ANKS6: variants seen among roughly 807,000 people sequenced by gnomAD.
The protein encoded by ANKS6 is ankyrin repeat and sterile alpha motif domain containing 6.
In ANKS6, 47 loss-of-function variants were observed where a neutral mutation model predicts 77.9. The observed-to-expected ratio is 0.60, with a 90% CI of 0.48 to 0.77. The LOEUF (loss-of-function observed/expected upper bound fraction) is 0.77, where lower values mean the gene tolerates loss of function less well. Among genes scored for constraint, ANKS6 ranks in the 30% least tolerant of loss-of-function variants. The pLI, the probability that ANKS6 is intolerant of heterozygous loss-of-function variation, is 0.00. For missense variants in ANKS6, 1,150 were observed against 1,159.1 expected (o/e 0.99, Z 0.11); for synonymous variants, 488 against 501.7 (o/e 0.97, Z 0.37).
Position 98,773,932 on chromosome 9 carries a change from G to T in ANKS6, c.1766C>A (p.Ala589Glu), listed in dbSNP as rs368165175. ...HNGKADPMKT[A>E]LPQRASRGHP... is the part of the protein sequence containing the mutation. ...GCCCCTGCTGGCTCTCTGGGGCAGC[G>T]CAGTCTTCATGGGGTCTGCCTTCCC... is the stretch of plus-strand genomic sequence containing the variant. The change falls in exon 9 of 15, where the codon GCG becomes GAG. Residue 589 changes from alanine to glutamate, a missense_variant. Physicochemically the swap from Ala to Glu is moderately radical, Grantham distance 107. Coordinates refer to ENST00000353234, the MANE Select transcript of ANKS6 (RefSeq NM_173551.5). 1 of 1,597,408 alleles carries T rather than the reference G, an allele frequency of 6.3e-7. No individual in the cohort carries two copies. Among genetic ancestry groups the T allele is most frequent in the East Asian group, 2.3e-5 (1 of 43,764 alleles).
At chr9:98,740,544 GC>G (rs1831769728) in intron 14 of ANKS6, among the ~76,000 whole-genome samples, 1 of 152,218 alleles carries the variant, frequency 6.6e-6, no homozygotes, top group Admixed American at 6.5e-5. Flanking sequence ...ACTGCAGAGG[GC>G]TAAAATGTAA....
chr9:98,792,033 T>C (rs958755756), intron 1 of ANKS6, among the ~76,000 whole-genome samples: 1 of 152,124 alleles, frequency 6.6e-6, no homozygotes, highest in Non-Finnish European at 1.5e-5. Context: ...CCATCCTCCA[T>C]GCGACTCCCA....
Position 98,734,629 on chromosome 9 carries a change from A to G in ANKS6, c.*1890T>C, listed in dbSNP as rs1489870865. The stretch of plus-strand genomic sequence containing the variant: ...GCCCACCAGGTCCGGTTCTGACCCC[A>G]GATCTGCTCCTTCTGGGCTGTTTAA... On this transcript the variant is annotated 3_prime_UTR_variant, in exon 15 of 15. Coordinates refer to ENST00000353234, the MANE Select transcript of ANKS6 (RefSeq NM_173551.5). 3 of 966,638 alleles carry G rather than the reference A, an allele frequency of 3.1e-6. No individual in the cohort carries two copies. The highest frequency in any genetic ancestry group is 3.5e-5 in the African/African-American group (2 of 56,826). The allele number at this position is 966,638 out of a possible 1,614,324, so 59.9% of individuals were successfully genotyped here. A position where few individuals can be genotyped will look rare whatever the true frequency, so the allele number is the denominator to read the frequency against.
intron 12 of ANKS6, among the ~76,000 whole-genome samples, chr9:98,754,999 C>T (rs1238636773): frequency 6.6e-5 from 10 of 152,048 alleles, no homozygotes; most frequent in Non-Finnish European, 1.0e-4. Flanking sequence ...GGAGAATTCA[C>T]GAGTGTGGAA....
At chr9:98,784,809 A>G (rs1191236593) in intron 3 of ANKS6, 23 bp downstream of exon 3, 1 of 1,608,070 alleles carries the variant, frequency 6.2e-7, no homozygotes, top group East Asian at 2.2e-5. Context: ...TAAATATCCA[A>G]AAAGATTTTC....
At chr9:98,794,578 G>A (rs1294714131) in intron 1 of ANKS6, among the ~76,000 whole-genome samples, 1 of 152,190 alleles carries the variant, frequency 6.6e-6, no homozygotes, top group Non-Finnish European at 1.5e-5. Context: ...CACACCAACT[G>A]AGGAACAGCA....
At chr9:98,785,565 T>C (rs940693356) in intron 2 of ANKS6, among the ~76,000 whole-genome samples, 1 of 152,092 alleles carries the variant, frequency 6.6e-6, no homozygotes, top group Non-Finnish European at 1.5e-5. Flanking sequence ...AGCCCCTCCC[T>C]CACATGCTCA....
rs1206697708 is a variant in ANKS6, at chr9:98,733,789, A to G, written c.*2730T>C. Reference sequence around the variant, plus strand: ...GCTCGCTTTAGTGTCTGCCAAACCTACTCAACCAGGGAACCTCACCCCACT... The same window carrying G: ...GCTCGCTTTAGTGTCTGCCAAACCTGCTCAACCAGGGAACCTCACCCCACT... On this transcript the variant is annotated 3_prime_UTR_variant, in exon 15 of 15. Coordinates refer to ENST00000353234, the MANE Select transcript of ANKS6 (RefSeq NM_173551.5). 1.0e-6 allele frequency: 1 copy of G among 985,168 alleles called. No individual in the cohort carries two copies. Among genetic ancestry groups the G allele is most frequent in the Admixed American group, 6.2e-5 (1 of 16,248 alleles). The allele number at this position is 985,168 out of a possible 1,614,324, so 61.0% of individuals were successfully genotyped here. A position where few individuals can be genotyped will look rare whatever the true frequency, so the allele number is the denominator to read the frequency against.
intron 14 of ANKS6, among the ~76,000 whole-genome samples, chr9:98,738,037 G>A (rs984697336): frequency 1.6e-4 from 24 of 152,134 alleles, no homozygotes; most frequent in African/African-American, 5.3e-4. Context: ...GCCACATGTA[G>A]GAGAATGAAA....
At position 98,733,491 on chromosome 9, in the gene ANKS6, C is replaced by G; in HGVS notation, c.*3028G>C. ...GGTCCCCTGATGTCCCACTGCCAAGCAGGCCACCTCTGCAGAGCTGCTGGG... is the reference window on the plus strand; with the variant it reads ...GGTCCCCTGATGTCCCACTGCCAAGGAGGCCACCTCTGCAGAGCTGCTGGG... On this transcript the variant is annotated 3_prime_UTR_variant, in exon 15 of 15. Transcript: ENST00000353234. 1.0e-6 allele frequency: 1 copy of G among 985,514 alleles called. No individual in the cohort carries two copies. Among genetic ancestry groups the G allele is most frequent in the Non-Finnish European group, 1.2e-6 (1 of 829,996 alleles). 61.0% of individuals were successfully genotyped at this position (985,514 alleles called of 1,614,324 possible). A position where few individuals can be genotyped will look rare whatever the true frequency, so the allele number is the denominator to read the frequency against.
intron 13 of ANKS6, among the ~76,000 whole-genome samples, chr9:98,748,678 G>T (rs1832272980): frequency 6.6e-6 from 1 of 152,198 alleles, no homozygotes; most frequent in South Asian, 2.1e-4. Flanking sequence ...ATACACTAGT[G>T]GGGGTGGAGC....
Position 98,736,288 on chromosome 9 carries a change from A to T in ANKS6, c.*231T>A. ...CATCACTGTGTGAACCAACCTGCCA[A>T]GCAGAAGCACCCCCACTGGACTGTT... On this transcript the variant is annotated 3_prime_UTR_variant, in exon 15 of 15. Coordinates refer to ENST00000353234, the MANE Select transcript of ANKS6 (RefSeq NM_173551.5). 1 of 1,356,616 alleles carries T rather than the reference A, an allele frequency of 7.4e-7. No individual in the cohort carries two copies. The highest frequency in any genetic ancestry group is 9.4e-7 in the Non-Finnish European group (1 of 1,058,672). 84.0% of individuals were successfully genotyped at this position (1,356,616 alleles called of 1,614,324 possible).
At chr9:98,744,844 G>A (rs1432836312) in intron 14 of ANKS6, among the ~76,000 whole-genome samples, 3 of 151,714 alleles carry the variant, frequency 2.0e-5, no homozygotes, top group Middle Eastern at 3.4e-3. Flanking sequence ...AGGTAAACAG[G>A]TACTGCGCAT....
chr9:98,745,628 C>T lies in ANKS6; in HGVS notation c.2442G>A (p.Glu814=). Residue 814 remains glutamate, a synonymous_variant, in exon 14 of 15, where the codon GAG becomes GAA. Coordinates refer to ENST00000353234, the MANE Select transcript of ANKS6 (RefSeq NM_173551.5). The part of the protein sequence containing the change: ...FLTLTDGDLK[E]LGIKTDGSRQ... ...TGGACCCATCTGTCTTAATTCCCAGCTCCTTCAAGTCACCGTCAGTCAGTG... is the reference window on the plus strand; with the variant it reads ...TGGACCCATCTGTCTTAATTCCCAGTTCCTTCAAGTCACCGTCAGTCAGTG... The T allele has an allele frequency of 6.2e-7, 1 of 1,614,210 alleles. No homozygotes were observed. Among genetic ancestry groups the T allele is most frequent in the Non-Finnish European group, 8.5e-7 (1 of 1,180,044 alleles).
At chr9:98,779,331 C>T (rs1384276543) in intron 6 of ANKS6, among the ~76,000 whole-genome samples, 2 of 152,124 alleles carry the variant, frequency 1.3e-5, no homozygotes. Flanking sequence ...GCTGGCAGGG[C>T]CTGTGGACTG....
intron 2 of ANKS6, chr9:98,789,827 C>CT: frequency 2.5e-6 from 1 of 400,292 alleles, no homozygotes; most frequent in Non-Finnish European, 4.4e-6. Context: ...CCAGAACCAC[C>CT]TGCATCAGAA....
chr9:98,795,218 T>C (rs1835110124), intron 1 of ANKS6, among the ~76,000 whole-genome samples: 1 of 152,134 alleles, frequency 6.6e-6, no homozygotes, highest in Non-Finnish European at 1.5e-5. Context: ...TAGGCCACCA[T>C]CACCTCTCAC....
rs375999016 is a variant in ANKS6 at position 98,753,617 on chromosome 9, T to C, written c.2327-2521A>G. On this transcript the variant is annotated intron_variant, in intron 12 of 14. Coordinates refer to ENST00000353234, the MANE Select transcript of ANKS6 (RefSeq NM_173551.5). The stretch of plus-strand genomic sequence containing the variant: ...GCCTGGGTGACAGAGTAAGACCCTA[T>C]CTCAAAAAAAAAAAAAGCAAGCCCT... Among the ~76,000 whole-genome samples the C allele has an allele frequency of 2.4e-3, 186 of 78,874 alleles. 1 individual carries two copies. The highest frequency in any genetic ancestry group is 9.0e-3 in the African/African-American group (178 of 19,738). 51.7% of individuals were successfully genotyped at this position (78,874 alleles called of 152,430 possible).
intron 12 of ANKS6, among the ~76,000 whole-genome samples, chr9:98,755,113 G>GCAGC (rs1380888051): frequency 6.6e-6 from 1 of 152,130 alleles, no homozygotes; most frequent in Non-Finnish European, 1.5e-5. Context: ...AACAATAAAA[G>GCAGC]CAGCCCCCAA....
Sources: allele counts gnomAD v4.1 joint callset (sites outside exome capture counted in the v4.1 genomes callset), GRCh38; gene constraint gnomAD v4.1.1; transcripts MANE v1.5; gene names NCBI Gene and HGNC (gene_info 2026-07-23, HGNC 2026-07-21).